Variants in CROT observed in about 807,000 individuals in gnomAD.
CROT encodes the protein peroxisomal carnitine O-octanoyltransferase.
CROT carries 84 observed loss-of-function variants against 89.2 expected under a neutral mutation model. That is an observed-to-expected ratio of 0.94 (90% CI 0.79 to 1.13). CROT has a LOEUF of 1.13. Ranked by LOEUF, CROT falls within the 50% of genes most tolerant of loss-of-function variation. CROT has a pLI of 0.00. For synonymous variants in CROT, 212 were observed against 239.5 expected (o/e 0.89, Z 1.06); for missense variants, 711 against 727.8 (o/e 0.98, Z 0.27).
At chr7:87,390,002 CTT>C (rs959693452) in intron 13 of CROT, among the ~76,000 whole-genome samples, 1 of 151,996 alleles carries the variant, frequency 6.6e-6, no homozygotes, top group African/African-American at 2.4e-5. Flanking sequence ...ATATGGGAAT[CTT>C]TTTCCTACCT....
At chr7:87,391,543 G>C (rs1308328947) in intron 13 of CROT, 46 bp from the exon 14 acceptor site, 2 of 1,556,182 alleles carry the variant, frequency 1.3e-6, no homozygotes, top group South Asian at 1.2e-5. Context: ...AATGATATTA[G>C]AGCATTTTCT....
intron 4 of CROT, among the ~76,000 whole-genome samples, chr7:87,360,544 T>C (rs896007845): frequency 1.3e-5 from 2 of 152,196 alleles, no homozygotes; most frequent in African/African-American, 4.8e-5. Flanking sequence ...TTTTGCCATG[T>C]TGGCCAGGCT....
intron 6 of CROT, among the ~76,000 whole-genome samples, chr7:87,364,971 G>A (rs1584629039): frequency 6.6e-6 from 1 of 152,244 alleles, no homozygotes; most frequent in East Asian, 1.9e-4. Flanking sequence ...TTTGGAAAGT[G>A]GAAAAAACAA....
intron 3 of CROT, chr7:87,357,715 C>A: frequency 1.6e-6 from 1 of 606,864 alleles, no homozygotes; most frequent in Non-Finnish European, 2.9e-6. Flanking sequence ...TTATATAGAG[C>A]CTTTATCTAT....
At chr7:87,358,481 C>CAAAAAAAAAAA (rs11405316) in intron 3 of CROT, among the ~76,000 whole-genome samples, 1 of 95,660 alleles carries the variant, frequency 1.0e-5, no homozygotes, top group African/African-American at 4.3e-5. Flanking sequence ...GACTCCATCT[C>CAAAAAAAAAAA]AAAAAAAAAA....
chr7:87,361,400 G>A lies in CROT; in HGVS notation c.251G>A (p.Trp84Ter), dbSNP rs778305374. The A allele has an allele frequency of 1.1e-5, 17 of 1,612,916 alleles. No individual in the cohort carries two copies. Among genetic ancestry groups the A allele is most frequent in the Admixed American group, 1.7e-5 (1 of 59,604 alleles). Residue 84 changes from tryptophan to a stop codon, truncating the protein, a stop_gained, in exon 5 of 18, where the codon TGG becomes TAG. Transcript: ENST00000331536. LOFTEE classifies it high-confidence loss of function. ...CTCAATTTCTTTTAGCTGGAAGAGT[G>A]GTGGCTGAATGTTGCCTATCTGGAT... ...AKGKRNWLEE[W>*]WLNVAYLDVR...
chr7:87,391,822 T>C, intron 14 of CROT, 110 bp downstream of exon 14: 2 of 1,076,566 alleles, frequency 1.9e-6, no homozygotes, highest in Non-Finnish European at 2.7e-6. Flanking sequence ...ATCATTAAAA[T>C]ACTTTGAGAC....
intron 6 of CROT, among the ~76,000 whole-genome samples, chr7:87,365,414 C>T (rs1461881111): frequency 6.6e-6 from 1 of 151,104 alleles, no homozygotes; most frequent in Non-Finnish European, 1.5e-5. Context: ...CACTTGAGCT[C>T]ATGAGTGGGA....
In CROT at chr7:87,349,133, C is replaced by G; in HGVS notation, c.65C>G (p.Ser22Ter). ...RTFQYQDSLP[S>*]LPVPSLEESL... ...TTTCAGTACCAGGATTCTCTTCCATCACTGCCTGTTCCTTCACTTGAAGAA... is the reference window on the plus strand; with the variant it reads ...TTTCAGTACCAGGATTCTCTTCCATGACTGCCTGTTCCTTCACTTGAAGAA... Residue 22 changes from serine to a stop codon, truncating the protein, a stop_gained, in exon 3 of 18, where the codon TCA (serine) becomes TGA (stop). Coordinates refer to ENST00000331536, the MANE Select transcript of CROT (RefSeq NM_021151.4). LOFTEE classifies it high-confidence loss of function. The G allele has an allele frequency of 6.2e-7, 1 of 1,607,852 alleles. No homozygotes were observed. The highest frequency in any genetic ancestry group is 8.5e-7 in the Non-Finnish European group (1 of 1,176,012).
At chr7:87,380,888 G>A (rs31627) in intron 10 of CROT, among the ~76,000 whole-genome samples, 131,653 of 152,234 alleles carry the variant, frequency 0.86, 57,112 homozygotes, top group Middle Eastern at 0.94. Flanking sequence ...TAGAAAATGG[G>A]TTTGTCAGCG....
chr7:87,372,264 A>C (rs1377085531), intron 7 of CROT, among the ~76,000 whole-genome samples: 1 of 152,218 alleles, frequency 6.6e-6, no homozygotes, highest in Non-Finnish European at 1.5e-5. Context: ...TGTGTGTTGC[A>C]AACATTTTCT....
chr7:87,384,604 T>G lies in CROT; in HGVS notation c.1301+2061T>G, dbSNP rs114083431. The stretch of plus-strand genomic sequence containing the variant: ...TGTGTTGCTATTGAGTTTTTTAAGT[T>G]CCTTATATATTCTGATTATTAATTT... On this transcript the variant is annotated intron_variant, in intron 13 of 17. Coordinates refer to ENST00000331536, the MANE Select transcript of CROT (RefSeq NM_021151.4). Among the ~76,000 whole-genome samples the G allele has an allele frequency of 3.5e-3, 534 of 152,332 alleles. 4 individuals carry two copies. Among genetic ancestry groups the G allele is most frequent in the African/African-American group, 0.012 (493 of 41,572 alleles).
intron 10 of CROT, 56 bp downstream of exon 10, chr7:87,377,506 A>T: frequency 1.0e-6 from 1 of 996,748 alleles, no homozygotes; most frequent in Admixed American, 1.8e-5. Context: ...ATTAATGACA[A>T]TAAACCATAA....
chr7:87,382,577 T>C, intron 13 of CROT, 34 bp downstream of exon 13: 1 of 1,591,904 alleles, frequency 6.3e-7, no homozygotes, highest in Non-Finnish European at 8.5e-7. Context: ...TTCACAGTCT[T>C]GAAGTCCAAG....
intron 6 of CROT, among the ~76,000 whole-genome samples, chr7:87,362,817 A>G (rs1032008986): frequency 1.3e-5 from 2 of 152,186 alleles, no homozygotes; most frequent in Non-Finnish European, 2.9e-5. Flanking sequence ...TAAAATATTT[A>G]TAGCCAATCA....
At chr7:87,382,282 TA>T (rs1414387192) in intron 12 of CROT, 101 bp downstream of exon 12, 4 of 1,408,618 alleles carry the variant, frequency 2.8e-6, no homozygotes, top group Non-Finnish European at 3.9e-6. Flanking sequence ...CAAAACATTT[TA>T]AAATTATGCC....
In CROT at chr7:87,392,805, A is replaced by G. The variant is rs1369590848; in HGVS notation, c.1580A>G (p.Asp527Gly). ...CTTCCTGTTCCAGAACTCTTTACGG[A>G]CCCACTTTTTTCCAAAAGGTAATAT... ...EGLPVPELFT[D>G]PLFSKSGGGG... The change falls in exon 16 of 18, where the codon GAC (aspartate) becomes GGC (glycine). Residue 527 changes from aspartate to glycine, a missense_variant. Transcript: ENST00000331536. The G allele has an allele frequency of 1.4e-5, 22 of 1,613,506 alleles. No homozygotes were observed. The highest frequency in any genetic ancestry group is 1.6e-4 in the Middle Eastern group (1 of 6,084).
intron 3 of CROT, among the ~76,000 whole-genome samples, chr7:87,350,491 C>A (rs748290399): frequency 3.3e-5 from 5 of 152,052 alleles, no homozygotes; most frequent in Non-Finnish European, 7.4e-5. Flanking sequence ...TAGGATAAAA[C>A]CACCAAGAAG....
rs1247215087 is a variant in CROT at position 87,398,796 on chromosome 7, A to C, written c.*152A>C. The C allele has an allele frequency of 2.8e-6, 2 of 710,470 alleles. No homozygotes were observed. The highest frequency in any genetic ancestry group is 4.5e-6 in the Non-Finnish European group (2 of 441,048). The allele number at this position is 710,470 out of a possible 1,614,324, so 44.0% of individuals were successfully genotyped here. ...GTTAAATGTAGAAATTAGTAGAATC[A>C]TGCTCTCTAAATTTATTCTGCCATA... is the stretch of plus-strand genomic sequence containing the variant. On this transcript the variant is annotated 3_prime_UTR_variant, in exon 18 of 18. Transcript: ENST00000331536.
Sources: allele counts gnomAD v4.1 joint callset (sites outside exome capture counted in the v4.1 genomes callset), GRCh38; gene constraint gnomAD v4.1.1; transcripts MANE v1.5; gene names NCBI Gene and HGNC (gene_info 2026-07-23, HGNC 2026-07-21).